BBX: variants seen among roughly 807,000 people sequenced by gnomAD.
BBX encodes HMG box transcription factor BBX.
Under a neutral mutation model 100.2 loss-of-function variants are expected in BBX, and 30 were observed. The ratio of observed to expected loss-of-function variants is 0.30; its 90% CI spans 0.22 to 0.41. BBX has a LOEUF of 0.41. BBX is among the 10% of genes least tolerant of loss of function. BBX has a pLI of 1.00. For missense variants in BBX, 1,023 were observed against 1,129.8 expected (o/e 0.91, Z 1.35); for synonymous variants, 376 against 388.1 (o/e 0.97, Z 0.37).
chr3:107,719,321 C>T (rs897882177), intron 5 of BBX, among the ~76,000 whole-genome samples: 1 of 151,902 alleles, frequency 6.6e-6, no homozygotes, highest in African/African-American at 2.4e-5. Flanking sequence ...TGGTATTTGC[C>T]AGTATCTGTC....
chr3:107,760,854 A>G (rs1231515079), intron 10 of BBX, among the ~76,000 whole-genome samples: 1 of 152,202 alleles, frequency 6.6e-6, no homozygotes, highest in Non-Finnish European at 1.5e-5. Context: ...CTACAGTTCA[A>G]TTCATGGCTA....
At chr3:107,646,953 A>G (rs2057553810) in intron 3 of BBX, among the ~76,000 whole-genome samples, 1 of 152,154 alleles carries the variant, frequency 6.6e-6, no homozygotes, top group Non-Finnish European at 1.5e-5. Context: ...GATTGTATAC[A>G]TAGTAAAATG....
intron 2 of BBX, among the ~76,000 whole-genome samples, chr3:107,604,456 T>A (rs1224575353): frequency 1.3e-5 from 2 of 152,172 alleles, no homozygotes; most frequent in Non-Finnish European, 2.9e-5. Flanking sequence ...GAATTGCTCT[T>A]GTTTGTCACT....
chr3:107,688,146 C>T (rs2059954301), intron 3 of BBX, among the ~76,000 whole-genome samples: 1 of 152,174 alleles, frequency 6.6e-6, no homozygotes, highest in Non-Finnish European at 1.5e-5. Flanking sequence ...TGTATGAATG[C>T]CACAAAATTC....
intron 2 of BBX, among the ~76,000 whole-genome samples, chr3:107,576,514 T>C (rs2051786125): frequency 6.6e-6 from 1 of 152,224 alleles, no homozygotes; most frequent in East Asian, 1.9e-4. Flanking sequence ...AGAAGGTTTT[T>C]CTGTGTGATC....
chr3:107,697,840 A>G (rs1170688545), intron 3 of BBX, among the ~76,000 whole-genome samples: 1 of 151,912 alleles, frequency 6.6e-6, no homozygotes, highest in Non-Finnish European at 1.5e-5. Flanking sequence ...TGTGCTAGCA[A>G]TCAGGGAGAC....
chr3:107,534,027 G>A (rs534690161), intron 2 of BBX, among the ~76,000 whole-genome samples: 1 of 152,282 alleles, frequency 6.6e-6, no homozygotes, highest in African/African-American at 2.4e-5. Context: ...ATGTCATGGG[G>A]AAGAGTCTAT....
intron 3 of BBX, among the ~76,000 whole-genome samples, chr3:107,668,281 C>T (rs115284479): frequency 0.018 from 2,808 of 152,276 alleles, 94 homozygotes; most frequent in African/African-American, 0.064. Flanking sequence ...GGACACTACT[C>T]CTTTTTCCTG....
At chr3:107,689,540 A>G (rs1443622178) in intron 3 of BBX, among the ~76,000 whole-genome samples, 2 of 152,214 alleles carry the variant, frequency 1.3e-5, no homozygotes, top group Admixed American at 6.5e-5. Context: ...ACGACTTCTG[A>G]GAGTACTTTA....
chr3:107,721,543 TG>T (rs1457428952), intron 5 of BBX, among the ~76,000 whole-genome samples: 3 of 151,990 alleles, frequency 2.0e-5, no homozygotes, highest in Non-Finnish European at 4.4e-5. Flanking sequence ...TAAAGATGTG[TG>T]GTTTGTGTTT....
intron 3 of BBX, among the ~76,000 whole-genome samples, chr3:107,692,164 T>A (rs894393847): frequency 1.8e-4 from 27 of 147,336 alleles, no homozygotes; most frequent in African/African-American, 5.0e-4. Flanking sequence ...CCAGATTTTT[T>A]AATTATTTTA....
intron 2 of BBX, among the ~76,000 whole-genome samples, chr3:107,594,220 C>T (rs1407311110): frequency 2.0e-5 from 3 of 152,058 alleles, no homozygotes; most frequent in African/African-American, 7.2e-5. Flanking sequence ...CCCTTTCCTC[C>T]CCCTGTCTAG....
At chr3:107,804,367 A>C (rs747287318) in intron 17 of BBX, among the ~76,000 whole-genome samples, 1 of 152,216 alleles carries the variant, frequency 6.6e-6, no homozygotes, top group Non-Finnish European at 1.5e-5. Flanking sequence ...CTGATACATC[A>C]CATATTTTCA....
chr3:107,584,658 T>A (rs2052681245), intron 2 of BBX, among the ~76,000 whole-genome samples: 1 of 148,870 alleles, frequency 6.7e-6, no homozygotes, highest in Non-Finnish European at 1.5e-5. Context: ...AAAAAGTGAT[T>A]TTTCCGTTGA....
chr3:107,589,901 A>G (rs1023496749), intron 2 of BBX, among the ~76,000 whole-genome samples: 41 of 152,334 alleles, frequency 2.7e-4, no homozygotes, highest in African/African-American at 8.9e-4. Flanking sequence ...TTCATGCTCT[A>G]TGAATTCTGA....
intron 9 of BBX, among the ~76,000 whole-genome samples, chr3:107,751,127 T>C (rs1003798761): frequency 2.0e-5 from 3 of 152,196 alleles, no homozygotes; most frequent in African/African-American, 7.2e-5. Context: ...TGTTAAGGCA[T>C]TTATTAATAT....
At chr3:107,691,778 C>A (rs189702687) in intron 3 of BBX, among the ~76,000 whole-genome samples, 1 of 152,176 alleles carries the variant, frequency 6.6e-6, no homozygotes, top group Non-Finnish European at 1.5e-5. Flanking sequence ...CCACACCTAC[C>A]TTTATGTAAT....
At chr3:107,700,834 C>T (rs935252078) in intron 3 of BBX, among the ~76,000 whole-genome samples, 9 of 151,798 alleles carry the variant, frequency 5.9e-5, no homozygotes, top group East Asian at 5.8e-4. Context: ...TTAATCCAGT[C>T]GATCATTGTT....
intron 9 of BBX, among the ~76,000 whole-genome samples, chr3:107,749,764 G>C (rs912749226): frequency 6.6e-6 from 1 of 151,946 alleles, no homozygotes; most frequent in African/African-American, 2.4e-5. Context: ...CTCCTGAGTA[G>C]CTGGGATTAC....
Sources: allele counts gnomAD v4.1 joint callset (sites outside exome capture counted in the v4.1 genomes callset), GRCh38; gene constraint gnomAD v4.1.1; transcripts MANE v1.5; gene names NCBI Gene and HGNC (gene_info 2026-07-23, HGNC 2026-07-21).